Variants in PRKAR2A observed in about 807,000 individuals in gnomAD.
PRKAR2A encodes the protein cAMP-dependent protein kinase type II-alpha regulatory subunit.
In PRKAR2A, 29 loss-of-function variants were observed where a neutral mutation model predicts 51.9. The ratio of observed to expected loss-of-function variants is 0.56; its 90% CI spans 0.42 to 0.76. The LOEUF (loss-of-function observed/expected upper bound fraction) is 0.76. PRKAR2A is among the 30% of genes least tolerant of loss of function. The pLI is 0.00. For synonymous variants in PRKAR2A, 178 were observed against 186.2 expected (o/e 0.96, Z 0.36); for missense variants, 445 against 512.1 (o/e 0.87, Z 1.26).
At chr3:48,800,531 TACACACAC>T (rs534797511) in intron 2 of PRKAR2A, among the ~76,000 whole-genome samples, 60 of 148,214 alleles carry the variant, frequency 4.0e-4, no homozygotes, top group African/African-American at 1.3e-3. Flanking sequence ...AAAAACTATA[TACACACAC>T]ACACACACAC....
chr3:48,840,577 T>TTC (rs2083362520), intron 1 of PRKAR2A, among the ~76,000 whole-genome samples: 1 of 108,020 alleles, frequency 9.3e-6, no homozygotes, highest in Non-Finnish European at 2.0e-5. Flanking sequence ...CTTTTTTTTT[T>TTC]TTTTTTTTTT....
intron 4 of PRKAR2A, 111 bp from the exon 5 acceptor site, chr3:48,783,203 C>T: frequency 1.4e-6 from 1 of 707,232 alleles, no homozygotes; most frequent in East Asian, 2.7e-5. Context: ...CACATTCAAG[C>T]AGAAACCTAA....
intron 9 of PRKAR2A, 77 bp downstream of exon 9, chr3:48,756,302 T>C: frequency 7.7e-7 from 1 of 1,297,834 alleles, no homozygotes. Flanking sequence ...TTTGGTGTAT[T>C]CAACACACTT....
chr3:48,754,926 A>G (rs1360571347), intron 9 of PRKAR2A, among the ~76,000 whole-genome samples: 10 of 151,548 alleles, frequency 6.6e-5, no homozygotes, highest in African/African-American at 1.7e-4. Context: ...AAAAAAAAAA[A>G]AGAGAGAGAG....
At chr3:48,752,428 T>C in intron 9 of PRKAR2A, 111 bp from the exon 10 acceptor site, 1 of 1,187,116 alleles carries the variant, frequency 8.4e-7, no homozygotes, top group South Asian at 1.6e-5. Context: ...TACTGAGGAA[T>C]TCACTTTGCA....
At chr3:48,769,982 C>T (rs977338795) in intron 6 of PRKAR2A, among the ~76,000 whole-genome samples, 3 of 152,130 alleles carry the variant, frequency 2.0e-5, no homozygotes, top group Non-Finnish European at 2.9e-5. Flanking sequence ...CACCACGTTG[C>T]CCATGCTGGT....
chr3:48,836,475 TTA>T (rs1491119048), intron 1 of PRKAR2A, among the ~76,000 whole-genome samples: 3 of 53,330 alleles, frequency 5.6e-5, no homozygotes, highest in Non-Finnish European at 7.5e-5. Flanking sequence ...TATATATATA[TTA>T]AAAAAAAAAA....
At chr3:48,765,724 CAAAAAAAAAAAAAA>C (rs756566818) in intron 6 of PRKAR2A, among the ~76,000 whole-genome samples, 1 of 45,250 alleles carries the variant, frequency 2.2e-5, no homozygotes, top group Non-Finnish European at 3.7e-5. Flanking sequence ...ACCCTCATTT[CAAAAAAAAAAAAAA>C]AAAAAAAAAA....
At chr3:48,781,543 C>G (rs1559616912) in intron 5 of PRKAR2A, among the ~76,000 whole-genome samples, 1 of 151,916 alleles carries the variant, frequency 6.6e-6, no homozygotes, top group Non-Finnish European at 1.5e-5. Flanking sequence ...GACAAAGTCT[C>G]ACACTGTTGC....
chr3:48,808,171 C>T (rs1447181522), intron 1 of PRKAR2A, among the ~76,000 whole-genome samples: 9 of 151,836 alleles, frequency 5.9e-5, no homozygotes, highest in African/African-American at 1.9e-4. Context: ...CCTCAGCCTC[C>T]GGCGTAGCTG....
chr3:48,804,353 C>T (rs1191483332), intron 2 of PRKAR2A, among the ~76,000 whole-genome samples: 6 of 151,864 alleles, frequency 4.0e-5, no homozygotes, highest in African/African-American at 1.5e-4. Context: ...CCCAGCTACT[C>T]AGGAGGCTGA....
chr3:48,796,670 G>GT (rs11370685), intron 2 of PRKAR2A, among the ~76,000 whole-genome samples: 89,965 of 136,686 alleles, frequency 0.66, 29,985 homozygotes, highest in East Asian at 0.95. Flanking sequence ...TAGAGACGGG[G>GT]TTTTTTTTTT....
At chr3:48,773,339 CTTTTTTTTTTTTTTTT>C (rs34140561) in intron 5 of PRKAR2A, among the ~76,000 whole-genome samples, 1 of 87,660 alleles carries the variant, frequency 1.1e-5, no homozygotes, top group African/African-American at 4.7e-5. Flanking sequence ...ATTTTCTTTT[CTTTTTTTTTTTTTTTT>C]TTTTTTGAGA....
chr3:48,797,370 T>C (rs968311630), intron 2 of PRKAR2A, among the ~76,000 whole-genome samples: 5 of 152,024 alleles, frequency 3.3e-5, no homozygotes, highest in African/African-American at 1.2e-4. Flanking sequence ...GGTTTCACCA[T>C]GTTGGCCAGG....
At chr3:48,783,484 A>G (rs1425864711) in intron 4 of PRKAR2A, among the ~76,000 whole-genome samples, 1 of 152,214 alleles carries the variant, frequency 6.6e-6, no homozygotes, top group African/African-American at 2.4e-5. Context: ...CATCAGATCT[A>G]AAGGGCTGCT....
chr3:48,825,028 C>CTTTTTTTT (rs1168503342), intron 1 of PRKAR2A, among the ~76,000 whole-genome samples: 6 of 74,688 alleles, frequency 8.0e-5, no homozygotes, highest in African/African-American at 2.1e-4. Context: ...ATTTTCTTTT[C>CTTTTTTTT]TTTTTTTTTT....
intron 9 of PRKAR2A, among the ~76,000 whole-genome samples, chr3:48,755,934 A>C (rs1418690582): frequency 1.3e-5 from 2 of 151,936 alleles, no homozygotes; most frequent in African/African-American, 4.8e-5. Context: ...GCCCGCCACC[A>C]TGCCTGGCTA....
chr3:48,808,775 C>A (rs1026680462), intron 1 of PRKAR2A, among the ~76,000 whole-genome samples: 2 of 125,848 alleles, frequency 1.6e-5, no homozygotes, highest in African/African-American at 6.4e-5. Context: ...CCTTGGCCTC[C>A]CAAAGTGCTG....
At chr3:48,834,364 G>A (rs556293162) in intron 1 of PRKAR2A, among the ~76,000 whole-genome samples, 5 of 151,370 alleles carry the variant, frequency 3.3e-5, no homozygotes, top group Non-Finnish European at 5.9e-5. Flanking sequence ...ACAGCAACAC[G>A]GAAAAAAAAC....
Sources: gnomAD v4.1 joint callset for allele counts (sites outside exome capture counted in the v4.1 genomes callset) on GRCh38, gnomAD v4.1.1 for gene constraint, MANE v1.5 for transcripts, NCBI Gene and HGNC (gene_info 2026-07-23, HGNC 2026-07-21) for gene names.